The following GRAMD1C variants were observed in gnomAD, a reference collection of about 807,000 sequenced individuals.
GRAMD1C encodes GRAM domain containing 1C.
In GRAMD1C, 89 loss-of-function variants were observed where a neutral mutation model predicts 97.8. That is an observed-to-expected ratio of 0.91 (90% CI 0.77 to 1.09). The LOEUF (loss-of-function observed/expected upper bound fraction) is 1.09, where lower values mean the gene tolerates loss of function less well. Ranked by LOEUF, GRAMD1C falls within the 50% of genes least tolerant of loss-of-function variation. GRAMD1C has a pLI of 0.00. For synonymous variants in GRAMD1C, 256 were observed against 267.0 expected (o/e 0.96, Z 0.40); for missense variants, 740 against 766.4 (o/e 0.97, Z 0.41).
chr3:113,901,788 G>A (rs1936181484), intron 7 of GRAMD1C, among the ~76,000 whole-genome samples: 1 of 152,116 alleles, frequency 6.6e-6, no homozygotes, highest in Non-Finnish European at 1.5e-5. Flanking sequence ...GAGGCTGTTA[G>A]CAATAAAAAC....
intron 7 of GRAMD1C, 100 bp downstream of exon 7, chr3:113,901,246 T>G (rs755574405): frequency 1.5e-6 from 1 of 685,668 alleles, no homozygotes. Flanking sequence ...AATTTATCTT[T>G]GGCTGCCATT....
At chr3:113,905,678 ATG>A (rs1936344221) in intron 8 of GRAMD1C, among the ~76,000 whole-genome samples, 1 of 151,814 alleles carries the variant, frequency 6.6e-6, no homozygotes, top group Non-Finnish European at 1.5e-5. Flanking sequence ...TGGACTGCAT[ATG>A]TGGTGGTGGT....
intron 8 of GRAMD1C, among the ~76,000 whole-genome samples, chr3:113,904,989 C>T (rs753048158): frequency 1.9e-4 from 29 of 152,144 alleles, no homozygotes; most frequent in Non-Finnish European, 2.6e-4. Flanking sequence ...CACGTGCCAC[C>T]ACGCCTGGGT....
chr3:113,909,440 T>C (rs1369720021), intron 9 of GRAMD1C, among the ~76,000 whole-genome samples: 7 of 152,228 alleles, frequency 4.6e-5, no homozygotes. Flanking sequence ...GAGTGACATA[T>C]TATTTCATTT....
intron 14 of GRAMD1C, chr3:113,936,681 T>C: frequency 2.9e-6 from 1 of 346,374 alleles, no homozygotes. Context: ...ATTTTAAGAA[T>C]TGGACATTAA....
chr3:113,899,062 A>G (rs2712328), intron 6 of GRAMD1C, among the ~76,000 whole-genome samples: 73,030 of 151,828 alleles, frequency 0.48, 17,913 homozygotes, highest in Middle Eastern at 0.56. Context: ...AGTGGTATTT[A>G]TTGTAGGGAA....
intron 12 of GRAMD1C, among the ~76,000 whole-genome samples, chr3:113,934,169 G>A (rs1937534354): frequency 6.6e-6 from 1 of 152,104 alleles, no homozygotes; most frequent in African/African-American, 2.4e-5. Flanking sequence ...AGCCTTCATT[G>A]CTATTTAGAT....
chr3:113,930,776 A>T lies in GRAMD1C; in HGVS notation c.1153A>T (p.Thr385Ser), dbSNP rs1197009212. 1 of 1,612,748 alleles carries T rather than the reference A, an allele frequency of 6.2e-7. No homozygotes were observed. Among genetic ancestry groups the T allele is most frequent in the Non-Finnish European group, 8.5e-7 (1 of 1,178,696 alleles). ...TGATCAGCTGAGAACGATGACCTACACTATAGTCCTTAATAGTCCACTTAC... is the reference window on the plus strand; with the variant it reads ...TGATCAGCTGAGAACGATGACCTACTCTATAGTCCTTAATAGTCCACTTAC... ...GGDQLRTMTY[T>S]IVLNSPLTGK... The change falls in exon 11 of 18, where the codon ACT (threonine) becomes TCT (serine). Residue 385 changes from threonine (T) to serine (S), a missense_variant. By Grantham distance (58) the Thr-to-Ser change is moderately conservative. Transcript: ENST00000358160.
At chr3:113,889,148 C>T (rs1272886759) in intron 6 of GRAMD1C, among the ~76,000 whole-genome samples, 1 of 151,898 alleles carries the variant, frequency 6.6e-6, no homozygotes, top group Non-Finnish European at 1.5e-5. Context: ...TGCAGTGAGC[C>T]GAAATCGCGC....
rs749785752 is a variant in GRAMD1C, at chr3:113,930,784, C to G, written c.1161C>G (p.Val387=). 1 of 1,611,180 alleles carries G rather than the reference C, an allele frequency of 6.2e-7. No individual in the cohort carries two copies. The highest frequency in any genetic ancestry group is 8.5e-7 in the Non-Finnish European group (1 of 1,177,378). ...TGAGAACGATGACCTACACTATAGT[C>G]CTTAATAGTCCACTTACTGGAAAAT... The part of the protein sequence containing the change: ...DQLRTMTYTI[V]LNSPLTGKCT... The change falls in exon 11 of 18, where the codon GTC becomes GTG. Residue 387 remains valine (V), a synonymous_variant. Transcript: ENST00000358160.
At chr3:113,921,180 C>T (rs1937036100) in intron 10 of GRAMD1C, among the ~76,000 whole-genome samples, 1 of 152,162 alleles carries the variant, frequency 6.6e-6, no homozygotes, top group Non-Finnish European at 1.5e-5. Flanking sequence ...TCTGTTCCTG[C>T]AGTAGTTCGC....
intron 9 of GRAMD1C, among the ~76,000 whole-genome samples, chr3:113,910,811 G>A (rs1936540780): frequency 6.6e-6 from 1 of 152,072 alleles, no homozygotes; most frequent in South Asian, 2.1e-4. Flanking sequence ...TCCCCAACTG[G>A]AGGGACGATC....
At chr3:113,896,949 G>A (rs1269657194) in intron 6 of GRAMD1C, among the ~76,000 whole-genome samples, 1 of 151,986 alleles carries the variant, frequency 6.6e-6, no homozygotes, top group Non-Finnish European at 1.5e-5. Context: ...TCACTGCCAG[G>A]GAATTATTCT....
intron 3 of GRAMD1C, among the ~76,000 whole-genome samples, chr3:113,870,933 A>G (rs1934777505): frequency 6.7e-6 from 1 of 150,228 alleles, no homozygotes; most frequent in African/African-American, 2.5e-5. Context: ...CCTGGGCAAC[A>G]AAGCGAGACC....
At chr3:113,844,773 A>G in intron 2 of GRAMD1C, 124 bp downstream of exon 2, 1 of 639,528 alleles carries the variant, frequency 1.6e-6, no homozygotes, top group South Asian at 2.1e-5. Flanking sequence ...TTTCAATTTT[A>G]GTCCAGAGTC....
rs538511869 is a variant in GRAMD1C, at chr3:113,909,706, C to T, written c.952+586C>T. Among the ~76,000 whole-genome samples, 7 of 152,246 alleles carry T rather than the reference C, an allele frequency of 4.6e-5. No homozygotes were observed. In the East Asian group the frequency reaches 1.2e-3, roughly 25 times the overall value. ...AGTAGTTATGGCAGGGATGCATTCT[C>T]ACATGAATATTAATTTAAATTATTG... On this transcript the variant is annotated intron_variant, in intron 9 of 17. Coordinates refer to ENST00000358160, the MANE Select transcript of GRAMD1C (RefSeq NM_017577.5).
upstream of GRAMD1C, among the ~76,000 whole-genome samples, chr3:113,837,130 TTC>T (rs1201435336): frequency 1.3e-5 from 2 of 151,326 alleles, no homozygotes; most frequent in Non-Finnish European, 2.9e-5. Context: ...CTCTCTTTCT[TTC>T]TCTCTCTCTG....
chr3:113,933,734 C>A, intron 12 of GRAMD1C, 81 bp downstream of exon 12: 1 of 929,202 alleles, frequency 1.1e-6, no homozygotes, highest in African/African-American at 1.6e-5. Flanking sequence ...TTAGTAGTAG[C>A]TTTACACAAC....
At position 113,832,676 on chromosome 3, in the gene GRAMD1C, A is replaced by C. The variant is rs531249961; in HGVS notation, n.98+4397A>C. Among the ~76,000 whole-genome samples the C allele has an allele frequency of 3.3e-5, 5 of 152,274 alleles. No homozygotes were observed. The South Asian group carries it at 1.0e-3, about 32-fold the overall frequency. On this transcript the variant is annotated intron_variant and non_coding_transcript_variant, in intron 1 of 18. Transcript: ENST00000479212. ...TTTGACTACTCTAGGTACCTCATAC[A>C]AGTCAAACTAATTTTGTAAAGTTTG...
Sources: allele counts gnomAD v4.1 joint callset (sites outside exome capture counted in the v4.1 genomes callset), GRCh38; gene constraint gnomAD v4.1.1; transcripts MANE v1.5; gene names NCBI Gene and HGNC (gene_info 2026-07-23, HGNC 2026-07-21).